The following HLF variants were observed in gnomAD, a reference collection of about 807,000 sequenced individuals.
HLF encodes HLF transcription factor, PAR bZIP family member, also known as hepatic leukemia factor.
A neutral mutation model predicts 22.6 loss-of-function variants in HLF; 3 were observed. That is an observed-to-expected ratio of 0.13 (90% CI 0.06 to 0.34). The LOEUF is 0.34. Among genes scored for constraint, HLF ranks in the 10% least tolerant of loss-of-function variants. The pLI is 1.00. For synonymous variants in HLF, 151 were observed against 151.8 expected (o/e 0.99, Z 0.04); for missense variants, 299 against 389.2 (o/e 0.77, Z 1.95).
intron 2 of HLF, among the ~76,000 whole-genome samples, chr17:55,300,554 G>A (rs1283694739): frequency 1.3e-5 from 2 of 152,164 alleles, no homozygotes; most frequent in Non-Finnish European, 2.9e-5. Flanking sequence ...TCCCTTAAAT[G>A]TGCTCACTCC....
intron 2 of HLF, among the ~76,000 whole-genome samples, chr17:55,295,098 G>T (rs1419043908): frequency 6.6e-6 from 1 of 152,190 alleles, no homozygotes; most frequent in Non-Finnish European, 1.5e-5. Context: ...ATGGCGAAGA[G>T]ATATAATTAA....
Position 55,321,508 on chromosome 17 carries a change from A to C in HLF, c.*629A>C, listed in dbSNP as rs1364551040. On this transcript the variant is annotated 3_prime_UTR_variant, in exon 4 of 4. Transcript: ENST00000226067. ...TTAGATCCCATATTTACTTACTGCT[A>C]TCTACTAAGTTTCCTTTTAATTCTA... is the stretch of plus-strand genomic sequence containing the variant. 1 of 229,478 alleles carries C rather than the reference A, an allele frequency of 4.4e-6. No homozygotes were observed. 14.2% of individuals were successfully genotyped at this position (229,478 alleles called of 1,614,324 possible).
intron 2 of HLF, among the ~76,000 whole-genome samples, chr17:55,309,464 C>A (rs1904730664): frequency 6.6e-6 from 1 of 152,002 alleles, no homozygotes; most frequent in Admixed American, 6.6e-5. Context: ...GTATCATCAT[C>A]GAGGGATGCC....
At chr17:55,284,585 G>C (rs1324996346) in intron 2 of HLF, among the ~76,000 whole-genome samples, 1 of 152,186 alleles carries the variant, frequency 6.6e-6, no homozygotes, top group Non-Finnish European at 1.5e-5. Flanking sequence ...CTGCCCCATG[G>C]TTGGGAAGCC....
At position 55,265,450 on chromosome 17, in the gene HLF, CT is replaced by C; in HGVS notation, c.-28del. ...GGGGGCGGTTGTTTCTTTCTTATTT[CT>C]TTTTTTAAGGGGAAAAAATTTGAGT... On this transcript the variant is annotated 5_prime_UTR_variant, in exon 1 of 4. Transcript: ENST00000226067. The C allele has an allele frequency of 7.7e-6, 9 of 1,175,292 alleles. No homozygotes were observed. The highest frequency in any genetic ancestry group is 9.9e-6 in the Non-Finnish European group (8 of 812,058). 72.8% of individuals were successfully genotyped at this position (1,175,292 alleles called of 1,614,324 possible).
Position 55,315,299 on chromosome 17 carries a change from A to C in HLF, c.524A>C (p.Tyr175Ser), listed in dbSNP as rs1348847297. The change falls in exon 3 of 4, where the codon TAT becomes TCT. Residue 175 changes from tyrosine (Y) to serine (S), a missense_variant. Physicochemically the swap from Tyr to Ser is moderately radical, Grantham distance 144 (BLOSUM62 -2). This residue lies in a region of HLF where 224 missense variants were observed against 298.1 expected (regional missense o/e 0.75). Coordinates refer to ENST00000226067, the MANE Select transcript of HLF (RefSeq NM_002126.5). ...GACACCATCCAGGTCCCAGTGGGTT[A>C]TGAGCCAGACCCAGCAGATCTTGCC... is the stretch of plus-strand genomic sequence containing the variant. ...DPDTIQVPVG[Y>S]EPDPADLALS... is the part of the protein sequence containing the mutation. The C allele has an allele frequency of 6.2e-7, 1 of 1,614,206 alleles. No homozygotes were observed. Among genetic ancestry groups the C allele is most frequent in the South Asian group, 1.1e-5 (1 of 91,086 alleles).
chr17:55,318,964 T>A (rs1416692025), intron 3 of HLF: 1 of 152,592 alleles, frequency 6.6e-6, no homozygotes, highest in Non-Finnish European at 1.5e-5. Flanking sequence ...GACAACAAAT[T>A]CGGCCAACAA....
chr17:55,287,433 A>G (rs999927393), intron 2 of HLF, among the ~76,000 whole-genome samples: 3 of 152,166 alleles, frequency 2.0e-5, no homozygotes, highest in Non-Finnish European at 4.4e-5. Flanking sequence ...GTCACTGTGT[A>G]AGCCCTGGCC....
At chr17:55,293,592 C>T (rs11656169) in intron 2 of HLF, among the ~76,000 whole-genome samples, 36,088 of 152,046 alleles carry the variant, frequency 0.24, 4,515 homozygotes, top group African/African-American at 0.29. Flanking sequence ...TCTCTGGGAA[C>T]GACTGTTAGT....
Position 55,319,434 on chromosome 17 carries a change from G to T in HLF, c.673-1230G>T, listed in dbSNP as rs369315037. 2.6e-5 allele frequency among the ~76,000 whole-genome samples: 4 copies of T among 152,168 alleles called. No individual in the cohort carries two copies. The East Asian group carries it at 7.7e-4, about 29-fold the overall frequency. On this transcript the variant is annotated intron_variant, in intron 3 of 3. Coordinates refer to ENST00000226067, the MANE Select transcript of HLF (RefSeq NM_002126.5). Reference sequence around the variant, plus strand: ...ACTGAGGGATTTGCTGTTGCAAATTGTTGAAAAAGGGGAGTTGCAAAATTC... The same window carrying T: ...ACTGAGGGATTTGCTGTTGCAAATTTTTGAAAAAGGGGAGTTGCAAAATTC...
At chr17:55,282,232 T>C (rs1165015947) in intron 2 of HLF, among the ~76,000 whole-genome samples, 2 of 152,246 alleles carry the variant, frequency 1.3e-5, no homozygotes, top group Non-Finnish European at 2.9e-5. Context: ...AATGCACTTG[T>C]AGTTAATATC....
intron 2 of HLF, among the ~76,000 whole-genome samples, chr17:55,307,113 T>G (rs1381518875): frequency 1.3e-5 from 2 of 150,562 alleles, no homozygotes; most frequent in Non-Finnish European, 3.0e-5. Context: ...TTCTTCTTCC[T>G]TTCAAGGGGG....
At chr17:55,298,675 A>C (rs1181552874) in intron 2 of HLF, among the ~76,000 whole-genome samples, 1 of 152,248 alleles carries the variant, frequency 6.6e-6, no homozygotes, top group Non-Finnish European at 1.5e-5. Flanking sequence ...CTGCAGGCCT[A>C]TAAATATGTG....
chr17:55,281,123 T>C (rs2080951283), intron 2 of HLF, among the ~76,000 whole-genome samples: 1 of 152,184 alleles, frequency 6.6e-6, no homozygotes, highest in African/African-American at 2.4e-5. Context: ...GATTACAAAG[T>C]ACATCAGCAT....
chr17:55,271,867 G>A, intron 2 of HLF: 1 of 152,220 alleles, frequency 6.6e-6, no homozygotes, highest in Non-Finnish European at 1.5e-5. Context: ...TACCATGACT[G>A]CCCCAACCCC....
intron 2 of HLF, among the ~76,000 whole-genome samples, chr17:55,281,930 A>G (rs374095053): frequency 1.1e-4 from 17 of 152,342 alleles, no homozygotes; most frequent in African/African-American, 3.8e-4. Flanking sequence ...AGAGAAACAC[A>G]GTCCTAATAG....
At chr17:55,290,843 C>G (rs1209820773) in intron 2 of HLF, among the ~76,000 whole-genome samples, 1 of 152,172 alleles carries the variant, frequency 6.6e-6, no homozygotes, top group South Asian at 2.1e-4. Context: ...AGGAAAAGTT[C>G]TTGAAGGAAA....
intron 2 of HLF, among the ~76,000 whole-genome samples, chr17:55,314,033 T>C (rs1185370565): frequency 6.6e-6 from 1 of 152,096 alleles, no homozygotes. Context: ...CCATTGGCAG[T>C]GAGGAAGAGG....
At chr17:55,302,197 A>C (rs1200140586) in intron 2 of HLF, among the ~76,000 whole-genome samples, 1 of 152,206 alleles carries the variant, frequency 6.6e-6, no homozygotes, top group Non-Finnish European at 1.5e-5. Flanking sequence ...TGGCTTAAAC[A>C]TGTTGATTTA....
Sources: gnomAD v4.1 joint callset for allele counts (sites outside exome capture counted in the v4.1 genomes callset) on GRCh38, gnomAD v4.1.1 for gene constraint, gnomAD v4.1.1 regional missense constraint, MANE v1.5 for transcripts, NCBI Gene and HGNC (gene_info 2026-07-23, HGNC 2026-07-21) for gene names.